Variants in GALNTL6 observed in about 807,000 individuals in gnomAD.
GALNTL6 encodes the protein polypeptide N-acetylgalactosaminyltransferase like 6, also known as polypeptide N-acetylgalactosaminyltransferase-like 6.
In GALNTL6, 46 loss-of-function variants were observed where a neutral mutation model predicts 73.7. The ratio of observed to expected loss-of-function variants is 0.62; its 90% CI spans 0.49 to 0.80. GALNTL6 has a LOEUF of 0.80. GALNTL6 is among the 30% of genes least tolerant of loss of function. The pLI, the probability that GALNTL6 is intolerant of heterozygous loss-of-function variation, is 0.00. For missense variants in GALNTL6, 604 were observed against 755.0 expected (o/e 0.80, Z 2.34); for synonymous variants, 259 against 263.7 (o/e 0.98, Z 0.17).
chr4:172,197,009 G>A (rs182727251), intron 2 of GALNTL6, among the ~76,000 whole-genome samples: 1 of 152,156 alleles, frequency 6.6e-6, no homozygotes, highest in Non-Finnish European at 1.5e-5. Context: ...GTCTTTGTTT[G>A]CATATGACAT....
chr4:172,503,171 G>T (rs1187759972), intron 5 of GALNTL6, among the ~76,000 whole-genome samples: 1 of 152,038 alleles, frequency 6.6e-6, no homozygotes, highest in Admixed American at 6.6e-5. Flanking sequence ...ATTGTCCCAA[G>T]AATTGCTATT....
intron 11 of GALNTL6, among the ~76,000 whole-genome samples, chr4:173,015,911 T>A (rs1287674306): frequency 2.6e-5 from 4 of 152,168 alleles, no homozygotes; most frequent in Non-Finnish European, 4.4e-5. Flanking sequence ...AAAAATGGTT[T>A]CTTGGGCCAG....
chr4:172,896,553 C>A (rs1477329111), intron 8 of GALNTL6, among the ~76,000 whole-genome samples: 3 of 152,190 alleles, frequency 2.0e-5, no homozygotes, highest in African/African-American at 7.2e-5. Context: ...CCCAGCAGAT[C>A]CCTGCACAGG....
At chr4:172,410,412 T>C (rs1744389325) in intron 5 of GALNTL6, among the ~76,000 whole-genome samples, 1 of 152,056 alleles carries the variant, frequency 6.6e-6, no homozygotes, top group African/African-American at 2.4e-5. Flanking sequence ...AGGCTCATAA[T>C]CTTGGTTATT....
intron 5 of GALNTL6, among the ~76,000 whole-genome samples, chr4:172,554,875 A>G (rs763575450): frequency 3.9e-5 from 6 of 152,150 alleles, no homozygotes; most frequent in Admixed American, 2.0e-4. Context: ...TATGATCACC[A>G]TATAATTTCT....
intron 10 of GALNTL6, among the ~76,000 whole-genome samples, chr4:173,003,022 G>A (rs548909100): frequency 6.6e-6 from 1 of 152,224 alleles, no homozygotes; most frequent in South Asian, 2.1e-4. Context: ...TTGCTGTTTC[G>A]AATTATGAAA....
chr4:172,013,103 T>G (rs967988669), intron 2 of GALNTL6, among the ~76,000 whole-genome samples: 1 of 152,138 alleles, frequency 6.6e-6, no homozygotes, highest in African/African-American at 2.4e-5. Flanking sequence ...TTGATACACA[T>G]GTACAATGTT....
At chr4:172,563,112 A>C (rs1334392137) in intron 5 of GALNTL6, among the ~76,000 whole-genome samples, 2 of 152,192 alleles carry the variant, frequency 1.3e-5, no homozygotes, top group Non-Finnish European at 2.9e-5. Context: ...TAAAAAGTGT[A>C]ATTAGAGTAT....
intron 10 of GALNTL6, among the ~76,000 whole-genome samples, chr4:172,999,865 A>G (rs186365632): frequency 8.9e-4 from 135 of 152,172 alleles, no homozygotes; most frequent in African/African-American, 3.0e-3. Context: ...CATTATGACA[A>G]TTACATAACT....
intron 5 of GALNTL6, among the ~76,000 whole-genome samples, chr4:172,565,346 T>C (rs1736517017): frequency 6.6e-6 from 1 of 152,230 alleles, no homozygotes; most frequent in African/African-American, 2.4e-5. Context: ...TTCTGTATTA[T>C]TGAGATGATC....
chr4:172,274,035 ATG>A (rs774652571), intron 3 of GALNTL6, among the ~76,000 whole-genome samples: 18,864 of 152,204 alleles, frequency 0.12, 1,227 homozygotes, highest in East Asian at 0.3. Context: ...CTGAACGTAT[ATG>A]AACCTATTTA....
intron 2 of GALNTL6, among the ~76,000 whole-genome samples, chr4:172,000,277 G>A (rs1282189874): frequency 2.0e-5 from 3 of 152,090 alleles, no homozygotes; most frequent in Non-Finnish European, 4.4e-5. Context: ...AACTCTCCTT[G>A]GTCAGAATCT....
At chr4:172,013,936 T>C (rs1450658813) in intron 2 of GALNTL6, among the ~76,000 whole-genome samples, 1 of 149,576 alleles carries the variant, frequency 6.7e-6, no homozygotes, top group East Asian at 2.0e-4. Context: ...GTTGTTTTAA[T>C]TTTTAGCTTC....
intron 10 of GALNTL6, among the ~76,000 whole-genome samples, chr4:173,006,394 A>T (rs1158514648): frequency 6.6e-6 from 1 of 152,118 alleles, no homozygotes; most frequent in Non-Finnish European, 1.5e-5. Flanking sequence ...TTAGAAAACC[A>T]ACACGCTGCA....
At chr4:172,755,547 C>T (rs1036942608) in intron 5 of GALNTL6, among the ~76,000 whole-genome samples, 20 of 152,300 alleles carry the variant, frequency 1.3e-4, no homozygotes, top group African/African-American at 4.8e-4. Context: ...AGGGTGGAAG[C>T]CTGGAGAACC....
rs1333588621 is a variant in GALNTL6, at chr4:171,813,480, A to T, written c.-680A>T. 2.6e-5 allele frequency: 4 copies of T among 152,298 alleles called. No homozygotes were observed. The highest frequency in any genetic ancestry group is 5.9e-5 in the Non-Finnish European group (4 of 68,152). The allele number at this position is 152,298 out of a possible 1,614,324, so 9.4% of individuals were successfully genotyped here. ...GGGCGACCGTGTGCAGCCGCGGCGC[A>T]TCTCCGCCTTCCGCTCCTCCTCGCA... On this transcript the variant is annotated 5_prime_UTR_variant, in exon 1 of 13. Coordinates refer to ENST00000506823, the MANE Select transcript of GALNTL6 (RefSeq NM_001034845.3). This position sits in a 1 kb window ranked among gnomAD's most constrained non-coding sequence, Gnocchi z 5.2.
intron 2 of GALNTL6, among the ~76,000 whole-genome samples, chr4:171,921,057 G>A (rs1737770992): frequency 6.6e-6 from 1 of 151,890 alleles, no homozygotes; most frequent in Non-Finnish European, 1.5e-5. Context: ...ATGTTATCTA[G>A]TAATTAGAAA....
At chr4:172,849,565 A>G (rs1225516957) in intron 7 of GALNTL6, among the ~76,000 whole-genome samples, 1 of 152,202 alleles carries the variant, frequency 6.6e-6, no homozygotes, top group East Asian at 1.9e-4. Flanking sequence ...AGATATATTA[A>G]CTAAGAATAG....
intron 2 of GALNTL6, among the ~76,000 whole-genome samples, chr4:171,990,568 T>A (rs1478294140): frequency 6.6e-6 from 1 of 152,196 alleles, no homozygotes; most frequent in African/African-American, 2.4e-5. Flanking sequence ...AAGTGTTTAG[T>A]TCATCCTTGC....
Sources: gnomAD v4.1 joint callset for allele counts (sites outside exome capture counted in the v4.1 genomes callset) on GRCh38, gnomAD v4.1.1 for gene constraint, Gnocchi (gnomAD v3.1) non-coding constraint, MANE v1.5 for transcripts, NCBI Gene and HGNC (gene_info 2026-07-23, HGNC 2026-07-21) for gene names.